The following NPSR1 variants were observed in gnomAD, a reference collection of about 807,000 sequenced individuals.
The protein encoded by NPSR1 is neuropeptide S receptor 1, also known as neuropeptide S receptor.
NPSR1 carries 48 observed loss-of-function variants against 46.9 expected under a neutral mutation model. That is an observed-to-expected ratio of 1.02 (90% CI 0.81 to 1.30). The LOEUF (loss-of-function observed/expected upper bound fraction) is 1.30. Among genes scored for constraint, NPSR1 ranks in the 50% most tolerant of loss-of-function variants. The pLI, the probability that NPSR1 is intolerant of heterozygous loss-of-function variation, is 0.00. For synonymous variants in NPSR1, 176 were observed against 168.1 expected (o/e 1.05, Z -0.36); for missense variants, 450 against 449.5 (o/e 1.00, Z -0.01).
chr7:34,730,973 A>G (rs1314456110), intron 2 of NPSR1, among the ~76,000 whole-genome samples: 3 of 152,218 alleles, frequency 2.0e-5, no homozygotes, highest in South Asian at 2.1e-4. Context: ...AAAGTTTCCA[A>G]TATAGCCATG....
At chr7:34,856,564 G>A (rs890070962) in intron 8 of NPSR1, among the ~76,000 whole-genome samples, 1 of 151,612 alleles carries the variant, frequency 6.6e-6, no homozygotes, top group African/African-American at 2.4e-5. Flanking sequence ...AAAGAGAGAT[G>A]GGGAAGCGTG....
At chr7:34,792,709 A>ATG (rs1787977860) in intron 3 of NPSR1, among the ~76,000 whole-genome samples, 1 of 126,516 alleles carries the variant, frequency 7.9e-6, no homozygotes, top group Admixed American at 8.8e-5. Flanking sequence ...ACGTATATAT[A>ATG]TATATTTATA....
intron 3 of NPSR1, among the ~76,000 whole-genome samples, chr7:34,786,877 T>G (rs566799246): frequency 6.6e-6 from 1 of 152,230 alleles, no homozygotes; most frequent in Non-Finnish European, 1.5e-5. Flanking sequence ...TGCTGCCCTT[T>G]AGGCTTTGTT....
intron 2 of NPSR1, among the ~76,000 whole-genome samples, chr7:34,756,190 T>C (rs1013915655): frequency 6.6e-6 from 1 of 152,238 alleles, no homozygotes; most frequent in East Asian, 1.9e-4. Context: ...ACCGCCCCCC[T>C]ACTTCCTGTC....
chr7:34,744,396 A>G (rs2128720567), intron 2 of NPSR1, among the ~76,000 whole-genome samples: 1 of 152,254 alleles, frequency 6.6e-6, no homozygotes. Context: ...GCAAGTCTAC[A>G]TGTGCCTAAC....
At chr7:34,801,521 C>A (rs1014118070) in intron 3 of NPSR1, among the ~76,000 whole-genome samples, 1 of 132,618 alleles carries the variant, frequency 7.5e-6, no homozygotes, top group African/African-American at 3.3e-5. Flanking sequence ...TTCAACAACC[C>A]TTCATGCTAA....
intron 1 of NPSR1, among the ~76,000 whole-genome samples, chr7:34,661,742 G>C (rs1791462818): frequency 6.6e-6 from 1 of 152,142 alleles, no homozygotes; most frequent in Non-Finnish European, 1.5e-5. Flanking sequence ...GTGGTCTTGG[G>C]TTCAAGATTC....
chr7:34,663,356 C>T (rs1446993342), intron 1 of NPSR1, among the ~76,000 whole-genome samples: 1 of 152,064 alleles, frequency 6.6e-6, no homozygotes, highest in Non-Finnish European at 1.5e-5. Flanking sequence ...CTGCCTCCTT[C>T]CTAAGAATAG....
intron 1 of NPSR1, among the ~76,000 whole-genome samples, chr7:34,665,404 C>T (rs371554939): frequency 5.9e-5 from 9 of 152,180 alleles, no homozygotes; most frequent in Non-Finnish European, 1.2e-4. Flanking sequence ...GCAACAGAAA[C>T]GCCCCCAGGG....
intron 2 of NPSR1, among the ~76,000 whole-genome samples, chr7:34,738,695 T>C (rs1784798838): frequency 6.6e-6 from 1 of 152,218 alleles, no homozygotes; most frequent in South Asian, 2.1e-4. Context: ...TGATTTAAAT[T>C]GATTTATATA....
chr7:34,829,758 T>C (rs752501967), intron 5 of NPSR1, among the ~76,000 whole-genome samples: 42 of 152,188 alleles, frequency 2.8e-4, no homozygotes, highest in Admixed American at 1.9e-3. Flanking sequence ...GTGTGTCTTT[T>C]TCGTGTCCTT....
intron 2 of NPSR1, among the ~76,000 whole-genome samples, chr7:34,774,644 C>T (rs951605419): frequency 2.0e-5 from 3 of 152,140 alleles, no homozygotes. Flanking sequence ...GGCCTGCATT[C>T]TGATTCTTTC....
intron 3 of NPSR1, among the ~76,000 whole-genome samples, chr7:34,810,118 G>T (rs763649836): frequency 6.6e-6 from 1 of 152,114 alleles, no homozygotes; most frequent in African/African-American, 2.4e-5. Flanking sequence ...CTGAGCCAGA[G>T]AAAGAACAAA....
intron 8 of NPSR1, among the ~76,000 whole-genome samples, chr7:34,862,658 G>A (rs1791216929): frequency 6.6e-6 from 1 of 151,576 alleles, no homozygotes; most frequent in African/African-American, 2.4e-5. Flanking sequence ...CTCTGATGTG[G>A]GTCAGAAAAT....
intron 1 of NPSR1, among the ~76,000 whole-genome samples, chr7:34,659,781 C>G (rs960761750): frequency 2.6e-5 from 4 of 152,136 alleles, no homozygotes; most frequent in South Asian, 2.1e-4. Flanking sequence ...CACTTAATGT[C>G]GACTGAATAA....
intron 2 of NPSR1, chr7:34,757,977 G>C (rs1045324833): frequency 6.5e-6 from 1 of 152,756 alleles, no homozygotes; most frequent in African/African-American, 2.4e-5. Context: ...AAGCAGAAGA[G>C]GAGAGTGGTG....
chr7:34,877,365 T>C (rs1463653006), intron 8 of NPSR1, among the ~76,000 whole-genome samples: 2 of 152,206 alleles, frequency 1.3e-5, no homozygotes, highest in Admixed American at 1.3e-4. Flanking sequence ...TCCTGCCTCC[T>C]TGCAGACAGT....
At chr7:34,709,058 G>A (rs905063907) in intron 2 of NPSR1, among the ~76,000 whole-genome samples, 2 of 152,136 alleles carry the variant, frequency 1.3e-5, no homozygotes, top group Admixed American at 6.5e-5. Context: ...TTGCCTGTGA[G>A]GGAAAAAGGA....
At chr7:34,817,934 A>G (rs1789329709) in intron 4 of NPSR1, among the ~76,000 whole-genome samples, 1 of 152,210 alleles carries the variant, frequency 6.6e-6, no homozygotes, top group African/African-American at 2.4e-5. Context: ...AATAAGAGCT[A>G]TTTATGACAA....
Sources: gnomAD v4.1 joint callset for allele counts (sites outside exome capture counted in the v4.1 genomes callset) on GRCh38, gnomAD v4.1.1 for gene constraint, MANE v1.5 for transcripts, NCBI Gene and HGNC (gene_info 2026-07-23, HGNC 2026-07-21) for gene names.